The following MARCHF10 variants were observed in gnomAD, a reference collection of about 807,000 sequenced individuals.
The protein encoded by MARCHF10 is membrane associated ring-CH-type finger 10.
Under a neutral mutation model 76.2 loss-of-function variants are expected in MARCHF10, and 64 were observed. That is an observed-to-expected ratio of 0.84 (90% CI 0.69 to 1.03). The LOEUF (loss-of-function observed/expected upper bound fraction) is 1.03. Ranked by LOEUF, MARCHF10 falls within the 50% of genes least tolerant of loss-of-function variation. MARCHF10 has a pLI of 0.00. For missense variants in MARCHF10, 875 were observed against 958.0 expected, an observed-to-expected ratio of 0.91 and a Z score of 1.14; for synonymous variants, 340 against 357.5, an observed-to-expected ratio of 0.95 and a Z score of 0.55.
chr17:62,804,933 C>T (rs1259384017), intron 1 of MARCHF10: 1 of 152,212 alleles, frequency 6.6e-6, no homozygotes, highest in East Asian at 1.9e-4. Context: ...CATTCCCTCG[C>T]TCCTCCTGTT....
chr17:62,806,805 C>T (rs1217073589), intron 1 of MARCHF10, among the ~76,000 whole-genome samples: 1 of 152,198 alleles, frequency 6.6e-6, no homozygotes, highest in Admixed American at 6.5e-5. Flanking sequence ...TTTTTCAGTG[C>T]TCTAAAAGTC....
intron 4 of MARCHF10, chr17:62,747,073 A>C: frequency 1.1e-6 from 1 of 879,118 alleles, no homozygotes; most frequent in Admixed American, 2.1e-5. Flanking sequence ...TTTTCTCTCC[A>C]ACTAGCCTGC....
At position 62,808,249 on chromosome 17, in the gene MARCHF10, C is replaced by T. The variant is rs1455557753; in HGVS notation, c.-190G>A. The T allele has an allele frequency of 6.6e-6, 1 of 152,646 alleles. No individual in the cohort carries two copies. The highest frequency in any genetic ancestry group is 1.9e-4 in the East Asian group (1 of 5,208). The allele number at this position is 152,646 out of a possible 1,614,324, so 9.5% of individuals were successfully genotyped here. Reference sequence around the variant, plus strand: ...CCTACACCTGCCCCTCTTCCTCCTCCTTCCCCGAGGCTGCTTTCCGCGGCG... The same window carrying T: ...CCTACACCTGCCCCTCTTCCTCCTCTTTCCCCGAGGCTGCTTTCCGCGGCG... On this transcript the variant is annotated 5_prime_UTR_variant, in exon 1 of 11. Transcript: ENST00000311269.
At chr17:62,744,335 T>C (rs755154687) in intron 5 of MARCHF10, 41 bp downstream of exon 5, 1 of 1,584,506 alleles carries the variant, frequency 6.3e-7, no homozygotes, top group Admixed American at 1.9e-5. Flanking sequence ...AAATCAGTCC[T>C]CCTCTCCAAG....
At position 62,765,441 on chromosome 17, in the gene MARCHF10, C is replaced by T. The variant is rs549343171; in HGVS notation, c.211-5435G>A. On this transcript the variant is annotated intron_variant, in intron 3 of 10. Transcript: ENST00000311269. ...AATATCACAGGCACCTGTCTACCAT[C>T]GAGTTCCACAGAGAACACCCTCCTG... is the stretch of plus-strand genomic sequence containing the variant. Among the ~76,000 whole-genome samples the T allele has an allele frequency of 7.3e-5, 11 of 151,438 alleles. No individual in the cohort carries two copies. The East Asian group carries it at 7.8e-4, about 11-fold the overall frequency.
chr17:62,786,676 C>T (rs1251321554), intron 3 of MARCHF10, among the ~76,000 whole-genome samples: 1 of 152,078 alleles, frequency 6.6e-6, no homozygotes, highest in Admixed American at 6.6e-5. Flanking sequence ...GAGTGTTTTG[C>T]AGTGATGGTT....
chr17:62,709,120 G>A (rs1220100407), intron 9 of MARCHF10, among the ~76,000 whole-genome samples: 1 of 152,148 alleles, frequency 6.6e-6, no homozygotes, highest in East Asian at 1.9e-4. Context: ...TTCTTTCCCT[G>A]ATCCTCATCT....
intron 3 of MARCHF10, among the ~76,000 whole-genome samples, chr17:62,769,006 T>C (rs1169812108): frequency 2.0e-5 from 3 of 152,240 alleles, no homozygotes; most frequent in Non-Finnish European, 4.4e-5. Flanking sequence ...TTTTCCCATT[T>C]TGAAGTGATC....
intron 3 of MARCHF10, among the ~76,000 whole-genome samples, chr17:62,785,518 A>T (rs9709380): frequency 6.6e-6 from 1 of 152,132 alleles, no homozygotes; most frequent in South Asian, 2.1e-4. Context: ...AAGCCAAAAT[A>T]GACAAATGGG....
chr17:62,772,394 T>C (rs1273886158), intron 3 of MARCHF10, among the ~76,000 whole-genome samples: 1 of 152,162 alleles, frequency 6.6e-6, no homozygotes, highest in Non-Finnish European at 1.5e-5. Flanking sequence ...AACCTCTTTT[T>C]CTTTATAAAT....
intron 3 of MARCHF10, among the ~76,000 whole-genome samples, chr17:62,776,141 A>G (rs2092550786): frequency 6.6e-6 from 1 of 152,142 alleles, no homozygotes; most frequent in Non-Finnish European, 1.5e-5. Context: ...AACTGGAAAC[A>G]TTTTTCAAAA....
At chr17:62,766,776 C>T (rs571405755) in intron 3 of MARCHF10, among the ~76,000 whole-genome samples, 133 of 152,282 alleles carry the variant, frequency 8.7e-4, no homozygotes, top group Non-Finnish European at 1.6e-3. Flanking sequence ...ATGTATCATA[C>T]GCGCCTATTA....
chr17:62,704,270 A>G (rs1359720722), intron 10 of MARCHF10, among the ~76,000 whole-genome samples: 1 of 151,966 alleles, frequency 6.6e-6, no homozygotes, highest in East Asian at 1.9e-4. Context: ...TGCGCCCGCG[A>G]CACAAAGGTC....
chr17:62,715,341 G>A (rs1339055395), intron 8 of MARCHF10, among the ~76,000 whole-genome samples: 1 of 152,184 alleles, frequency 6.6e-6, no homozygotes, highest in Non-Finnish European at 1.5e-5. Context: ...ATGCCACCAC[G>A]CCCAATGGCA....
intron 6 of MARCHF10, among the ~76,000 whole-genome samples, chr17:62,728,481 A>G (rs1246635175): frequency 6.6e-6 from 1 of 152,206 alleles, no homozygotes; most frequent in Admixed American, 6.5e-5. Context: ...TTCCTTCATG[A>G]AACAACTGGG....
At chr17:62,783,161 T>G (rs538095013) in intron 3 of MARCHF10, among the ~76,000 whole-genome samples, 2 of 149,522 alleles carry the variant, frequency 1.3e-5, no homozygotes, top group South Asian at 4.3e-4. Context: ...ACATAAAATA[T>G]CCTGTCCTCA....
rs2093192844 is a variant in MARCHF10 at position 62,808,262 on chromosome 17, GC to G, written c.-204del. The G allele has an allele frequency of 6.6e-6, 1 of 152,618 alleles. No homozygotes were observed. Among genetic ancestry groups the G allele is most frequent in the Non-Finnish European group, 1.5e-5 (1 of 68,348 alleles). 9.5% of individuals were successfully genotyped at this position (152,618 alleles called of 1,614,324 possible). The stretch of plus-strand genomic sequence containing the variant: ...CTCTTCCTCCTCCTTCCCCGAGGCT[GC>G]TTTCCGCGGCGCCGGCCGGCCTTGC... On this transcript the variant is annotated 5_prime_UTR_variant, in exon 1 of 11. Coordinates refer to ENST00000311269, the MANE Select transcript of MARCHF10 (RefSeq NM_152598.4).
intron 2 of MARCHF10, among the ~76,000 whole-genome samples, chr17:62,791,022 T>C (rs2092832903): frequency 6.6e-6 from 1 of 152,234 alleles, no homozygotes; most frequent in African/African-American, 2.4e-5. Flanking sequence ...ACATAGATAG[T>C]AAGTCATCAT....
intron 3 of MARCHF10, among the ~76,000 whole-genome samples, chr17:62,773,339 C>T (rs572738237): frequency 2.6e-5 from 4 of 152,092 alleles, no homozygotes; most frequent in East Asian, 1.9e-4. Flanking sequence ...AGACCCGCTG[C>T]GTGCAGAGAC....
Sources: gnomAD v4.1 joint callset for allele counts (sites outside exome capture counted in the v4.1 genomes callset) on GRCh38, gnomAD v4.1.1 for gene constraint, MANE v1.5 for transcripts, NCBI Gene and HGNC (gene_info 2026-07-23, HGNC 2026-07-21) for gene names.